The following DLG2 variants were observed in gnomAD, a reference collection of about 807,000 sequenced individuals.
DLG2 encodes discs large MAGUK scaffold protein 2.
DLG2 carries 45 observed loss-of-function variants against 132.5 expected under a neutral mutation model. The observed-to-expected ratio is 0.34, with a 90% CI of 0.27 to 0.44. DLG2 has a LOEUF of 0.44. DLG2 is among the 20% of genes least tolerant of loss of function. The pLI is 1.00. For missense variants in DLG2, 1,045 were observed against 1,196.9 expected, an observed-to-expected ratio of 0.87 and a Z score of 1.87; for synonymous variants, 424 against 419.6, an observed-to-expected ratio of 1.01 and a Z score of -0.13.
At chr11:85,081,966 C>A (rs548368259) in intron 6 of DLG2, among the ~76,000 whole-genome samples, 2 of 152,186 alleles carry the variant, frequency 1.3e-5, no homozygotes, top group South Asian at 4.2e-4. Context: ...CTGAGTTTCC[C>A]CACACAGGCT....
chr11:84,882,094 C>T (rs944788663), intron 6 of DLG2, among the ~76,000 whole-genome samples: 3 of 152,002 alleles, frequency 2.0e-5, no homozygotes, highest in African/African-American at 7.2e-5. Flanking sequence ...TTATTTTAAT[C>T]CTTGAAATTA....
chr11:83,899,715 C>A (rs1193052709), intron 15 of DLG2, among the ~76,000 whole-genome samples: 1 of 152,140 alleles, frequency 6.6e-6, no homozygotes, highest in Admixed American at 6.5e-5. Context: ...GTCCAATAAG[C>A]CTCTTTCTTT....
At chr11:85,535,081 G>C (rs2075489137) in intron 3 of DLG2, among the ~76,000 whole-genome samples, 2 of 152,108 alleles carry the variant, frequency 1.3e-5, no homozygotes, top group African/African-American at 4.8e-5. Flanking sequence ...GTATTTCTGT[G>C]ATGATTAGGT....
chr11:84,469,212 G>C (rs1193502987), intron 7 of DLG2, among the ~76,000 whole-genome samples: 1 of 151,578 alleles, frequency 6.6e-6, no homozygotes, highest in Non-Finnish European at 1.5e-5. Context: ...GATTAATCTG[G>C]CAAGGATTAG....
intron 9 of DLG2, among the ~76,000 whole-genome samples, chr11:84,117,693 T>G (rs1273853966): frequency 6.6e-6 from 1 of 152,164 alleles, no homozygotes; most frequent in Non-Finnish European, 1.5e-5. Flanking sequence ...ATTATAAGAA[T>G]TGTATTCATT....
chr11:84,992,111 A>G (rs1437930984), intron 6 of DLG2, among the ~76,000 whole-genome samples: 1 of 151,830 alleles, frequency 6.6e-6, no homozygotes, highest in East Asian at 1.9e-4. Context: ...ATCCCTCCTA[A>G]CCATCACTTC....
intron 7 of DLG2, among the ~76,000 whole-genome samples, chr11:84,294,452 G>C (rs2098059114): frequency 2.0e-5 from 3 of 152,042 alleles, no homozygotes; most frequent in African/African-American, 7.3e-5. Flanking sequence ...ACAAAAATAA[G>C]AAGGGTGTGT....
intron 15 of DLG2, among the ~76,000 whole-genome samples, chr11:83,909,594 T>G (rs944062806): frequency 1.3e-5 from 2 of 152,294 alleles, no homozygotes; most frequent in African/African-American, 4.8e-5. Context: ...CGGATTGTTA[T>G]AAAATAAATA....
intron 6 of DLG2, among the ~76,000 whole-genome samples, chr11:84,995,326 C>T (rs1361797439): frequency 2.0e-5 from 3 of 152,144 alleles, no homozygotes; most frequent in African/African-American, 7.2e-5. Flanking sequence ...AATCCCAGCT[C>T]CACCACTTAC....
intron 6 of DLG2, among the ~76,000 whole-genome samples, chr11:84,862,503 A>G (rs1242898292): frequency 6.6e-6 from 1 of 152,142 alleles, no homozygotes; most frequent in African/African-American, 2.4e-5. Flanking sequence ...TCATTCTACA[A>G]TAAAGACACA....
chr11:83,478,716 A>C (rs895586289), intron 22 of DLG2, among the ~76,000 whole-genome samples: 1 of 152,066 alleles, frequency 6.6e-6, no homozygotes, highest in Non-Finnish European at 1.5e-5. Context: ...ATAAAGCATG[A>C]TGCTTTCTTT....
chr11:83,480,558 G>A, intron 22 of DLG2: 1 of 1,540,554 alleles, frequency 6.5e-7, no homozygotes, highest in Non-Finnish European at 8.8e-7. Flanking sequence ...AGAAAACTCA[G>A]ATAAGATAAA....
At chr11:85,497,883 A>G (rs942191399) in intron 3 of DLG2, among the ~76,000 whole-genome samples, 6 of 152,220 alleles carry the variant, frequency 3.9e-5, no homozygotes, top group Non-Finnish European at 8.8e-5. Context: ...AAATGCTGAG[A>G]GATTTTGTCA....
At chr11:84,708,955 G>A (rs931194004) in intron 6 of DLG2, among the ~76,000 whole-genome samples, 3 of 151,896 alleles carry the variant, frequency 2.0e-5, no homozygotes, top group African/African-American at 7.2e-5. Context: ...TCAGGCAGCA[G>A]ATGTTAGGAA....
chr11:85,465,483 G>A (rs1347158740), intron 3 of DLG2, among the ~76,000 whole-genome samples: 2 of 152,026 alleles, frequency 1.3e-5, no homozygotes, highest in Admixed American at 6.6e-5. Flanking sequence ...AGGCCCTGGT[G>A]TGTGATGTTC....
rs146749374 is a variant in DLG2 at position 85,255,237 on chromosome 11, C to G, written c.186+29983G>C. On this transcript the variant is annotated intron_variant, in intron 4 of 27. Coordinates refer to ENST00000376104, the MANE Select transcript of DLG2 (RefSeq NM_001142699.3). ...TTAAAAGGATTCCTATTTAACTCCA[C>G]TGATATCACACTACTAATAAGCAAC... 6.3e-3 allele frequency among the ~76,000 whole-genome samples: 966 copies of G among 152,252 alleles called. 5 individuals carry two copies. Among genetic ancestry groups the G allele is most frequent in the Non-Finnish European group, 9.9e-3 (676 of 68,012 alleles).
At chr11:84,844,133 G>GTATATA (rs1367735607) in intron 6 of DLG2, among the ~76,000 whole-genome samples, 7 of 26,018 alleles carry the variant, frequency 2.7e-4, no homozygotes, top group East Asian at 2.0e-3. Context: ...GTGTGTGTGT[G>GTATATA]TGTATATATA....
chr11:84,517,375 G>T (rs750943877), intron 7 of DLG2, among the ~76,000 whole-genome samples: 7 of 151,712 alleles, frequency 4.6e-5, no homozygotes, highest in Non-Finnish European at 1.0e-4. Context: ...CATACAAATG[G>T]CCAAGAAGAA....
At chr11:85,245,511 C>G (rs903614701) in intron 4 of DLG2, among the ~76,000 whole-genome samples, 4 of 151,994 alleles carry the variant, frequency 2.6e-5, no homozygotes, top group African/African-American at 7.2e-5. Context: ...CACTACCACC[C>G]TGGTCTGACC....
Sources: allele counts gnomAD v4.1 joint callset (sites outside exome capture counted in the v4.1 genomes callset), GRCh38; gene constraint gnomAD v4.1.1; transcripts MANE v1.5; gene names NCBI Gene and HGNC (gene_info 2026-07-23, HGNC 2026-07-21).